The following GABRA2 variants were observed in gnomAD, a reference collection of about 807,000 sequenced individuals.
GABRA2 encodes the protein gamma-aminobutyric acid receptor subunit alpha-2.
GABRA2 carries 16 observed loss-of-function variants against 48.7 expected under a neutral mutation model. The observed-to-expected ratio is 0.33, with a 90% confidence interval of 0.22 to 0.50. The LOEUF is 0.50. Among genes scored for constraint, GABRA2 ranks in the 20% least tolerant of loss-of-function variants. GABRA2 has a pLI of 0.98. For missense variants in GABRA2, 275 were observed against 535.6 expected (o/e 0.51, Z 4.80); for synonymous variants, 185 against 184.5 (o/e 1.00, Z -0.02).
intron 4 of GABRA2, among the ~76,000 whole-genome samples, chr4:46,316,931 G>T (rs1174855921): frequency 4.0e-5 from 6 of 151,832 alleles, no homozygotes; most frequent in Non-Finnish European, 8.8e-5. Context: ...TAGTGCTTGT[G>T]TAATATGTTT....
At chr4:46,296,308 A>T (rs1577949856) in intron 8 of GABRA2, among the ~76,000 whole-genome samples, 1 of 152,012 alleles carries the variant, frequency 6.6e-6, no homozygotes, top group East Asian at 1.9e-4. Flanking sequence ...TGGCCTAGAG[A>T]TCTTAGTTCC....
Position 46,248,743 on chromosome 4 carries a change from A to G in GABRA2, c.*1565T>C, listed in dbSNP as rs1714168387. ...ATGCACTATACTCAAATACTGTACAAAACTGCAATAAATGTTACTATTTGA... is the reference window on the plus strand; with the variant it reads ...ATGCACTATACTCAAATACTGTACAGAACTGCAATAAATGTTACTATTTGA... On this transcript the variant is annotated 3_prime_UTR_variant, in exon 10 of 10. Transcript: ENST00000381620. 6.6e-6 allele frequency: 1 copy of G among 151,464 alleles called. No individual in the cohort carries two copies. The highest frequency in any genetic ancestry group is 1.5e-5 in the Non-Finnish European group (1 of 67,662). 9.4% of individuals were successfully genotyped at this position (151,464 alleles called of 1,614,324 possible).
At chr4:46,277,499 T>G (rs1475451403) in intron 8 of GABRA2, among the ~76,000 whole-genome samples, 2 of 152,146 alleles carry the variant, frequency 1.3e-5, no homozygotes, top group Non-Finnish European at 2.9e-5. Flanking sequence ...GGCATTCTGC[T>G]CCTGCTGCCA....
intron 3 of GABRA2, chr4:46,368,618 T>G (rs1714420550): frequency 4.7e-6 from 1 of 213,466 alleles, no homozygotes; most frequent in Admixed American, 5.5e-5. Context: ...TCATACCCTT[T>G]ATGAGAAGTC....
chr4:46,347,158 C>A lies in GABRA2; in HGVS notation c.188-14476G>T, dbSNP rs1734278340. Among the ~76,000 whole-genome samples, 3 of 151,828 alleles carry A rather than the reference C, an allele frequency of 2.0e-5. No homozygotes were observed. In the South Asian group the frequency reaches 6.2e-4, roughly 31 times the overall value. On this transcript the variant is annotated intron_variant, in intron 3 of 9. Transcript: ENST00000381620. ...AGAAGATTTAATATTGTCAAAATAT[C>A]CATGCCATCAAAAGTGATTTACAGA...
chr4:46,339,991 G>T (rs1230509227), intron 3 of GABRA2, among the ~76,000 whole-genome samples: 1 of 151,528 alleles, frequency 6.6e-6, no homozygotes, highest in Non-Finnish European at 1.5e-5. Context: ...GGCATTTACA[G>T]CCTTCCCTAT....
At position 46,247,715 on chromosome 4, in the gene GABRA2, C is replaced by T. The variant is rs1025135290; in HGVS notation, c.*2593G>A. On this transcript the variant is annotated 3_prime_UTR_variant, in exon 10 of 10. Transcript: ENST00000381620. ...GGCCTTATTGTGATAAATTAAAATC[C>T]TTTTAAATTTGTTTTTAAATTGGTT... 8.6e-5 allele frequency among the ~76,000 whole-genome samples: 13 copies of T among 150,992 alleles called. No homozygotes were observed. Among genetic ancestry groups the T allele is most frequent in the African/African-American group, 3.2e-4 (13 of 41,266 alleles).
At position 46,322,595 on chromosome 4, in the gene GABRA2, A is replaced by G. The variant is rs185660493; in HGVS notation, c.256-9879T>C. Among the ~76,000 whole-genome samples, 4 of 152,088 alleles carry G rather than the reference A, an allele frequency of 2.6e-5. No individual in the cohort carries two copies. In the East Asian group the frequency reaches 5.8e-4, roughly 22 times the overall value. On this transcript the variant is annotated intron_variant, in intron 4 of 9. Coordinates refer to ENST00000381620, the MANE Select transcript of GABRA2 (RefSeq NM_000807.4). ...GATCAGTCTTCTCTATCCCCTCCCT[A>G]TATCTGGACAACTTTTAGTCCACAC...
intron 9 of GABRA2, 100 bp from the exon 10 acceptor site, chr4:46,250,704 AATC>A (rs1376502346): frequency 2.4e-6 from 2 of 837,422 alleles, no homozygotes; most frequent in Non-Finnish European, 3.7e-6. Context: ...TCCTAATACA[AATC>A]ATCATGCATT....
At chr4:46,361,462 C>A (rs115853695) in intron 3 of GABRA2, among the ~76,000 whole-genome samples, 2 of 152,172 alleles carry the variant, frequency 1.3e-5, no homozygotes, top group Non-Finnish European at 2.9e-5. Flanking sequence ...TGGGAACCTC[C>A]GCCTGGATTT....
intron 5 of GABRA2, among the ~76,000 whole-genome samples, chr4:46,311,716 A>G (rs980675482): frequency 6.6e-6 from 1 of 152,234 alleles, no homozygotes; most frequent in Admixed American, 6.5e-5. Flanking sequence ...GGTATCCAAT[A>G]TACTTGTAAG....
intron 5 of GABRA2, among the ~76,000 whole-genome samples, chr4:46,311,930 C>A (rs1727712524): frequency 6.6e-6 from 1 of 152,120 alleles, no homozygotes; most frequent in Non-Finnish European, 1.5e-5. Flanking sequence ...GAAACACCGT[C>A]TCTACTAAAA....
rs538012882 is a variant in GABRA2, at chr4:46,267,476, GA to G, written c.857-5349del. Among the ~76,000 whole-genome samples, 53 of 151,928 alleles carry G rather than the reference GA, an allele frequency of 3.5e-4. No homozygotes were observed. In the Middle Eastern group the frequency reaches 0.014, roughly 39 times the overall value. On this transcript the variant is annotated intron_variant, in intron 8 of 9. Coordinates refer to ENST00000381620, the MANE Select transcript of GABRA2 (RefSeq NM_000807.4). ...GGCTTCCTCAGGTAGAATTTCTAAT[GA>G]TTTTTTTTTCCTGAAAATGGGTTAT...
At chr4:46,302,638 A>C (rs953991831) in intron 8 of GABRA2, 1 of 152,286 alleles carries the variant, frequency 6.6e-6, no homozygotes, top group African/African-American at 2.4e-5. Flanking sequence ...TGAGACTATA[A>C]ATTAAAACTT....
At chr4:46,291,781 A>ATATATG (rs1347361280) in intron 8 of GABRA2, among the ~76,000 whole-genome samples, 1 of 149,838 alleles carries the variant, frequency 6.7e-6, no homozygotes, top group East Asian at 2.0e-4. Flanking sequence ...ACACACATAT[A>ATATATG]TATATATATA....
chr4:46,388,453 T>C (rs976996281), intron 2 of GABRA2, among the ~76,000 whole-genome samples, 183 bp downstream of exon 2: 1 of 152,228 alleles, frequency 6.6e-6, no homozygotes, highest in African/African-American at 2.4e-5. Flanking sequence ...TTGGATCTTA[T>C]CACTAAGAAC....
chr4:46,271,136 A>G (rs556196328), intron 8 of GABRA2, among the ~76,000 whole-genome samples: 1 of 152,144 alleles, frequency 6.6e-6, no homozygotes, highest in African/African-American at 2.4e-5. Context: ...TAAGAAGGAG[A>G]AGTCTCAGAA....
chr4:46,364,893 A>G (rs1713803884), intron 3 of GABRA2: 2 of 152,198 alleles, frequency 1.3e-5, no homozygotes, highest in African/African-American at 2.4e-5. Flanking sequence ...GGGCATGTAA[A>G]ACATGTGACA....
At chr4:46,311,308 G>C (rs279861) in intron 5 of GABRA2, among the ~76,000 whole-genome samples, 57,487 of 151,990 alleles carry the variant, frequency 0.38, 11,562 homozygotes, top group East Asian at 0.52. Flanking sequence ...ATCAGAAATA[G>C]CATAGGACTG....
Sources: gnomAD v4.1 joint callset for allele counts (sites outside exome capture counted in the v4.1 genomes callset) on GRCh38, gnomAD v4.1.1 for gene constraint, MANE v1.5 for transcripts, NCBI Gene and HGNC (gene_info 2026-07-23, HGNC 2026-07-21) for gene names.